Variants in POLE observed in about 807,000 individuals in gnomAD.
The protein encoded by POLE is DNA polymerase epsilon catalytic subunit A.
Under a neutral mutation model 279.2 loss-of-function variants are expected in POLE, and 188 were observed. The observed-to-expected ratio is 0.67, with a 90% CI of 0.60 to 0.76. The LOEUF is 0.76. Among genes scored for constraint, POLE ranks in the 30% least tolerant of loss-of-function variants. The pLI is 0.00. For synonymous variants in POLE, 1,214 were observed against 1,172.5 expected (o/e 1.04, Z -0.72); for missense variants, 2,703 against 3,016.7 (o/e 0.90, Z 2.44).
In POLE at chr12:132,668,282, A is replaced by G. The variant is rs2042839902; in HGVS notation, c.2173+74T>C. 1.3e-6 allele frequency: 2 copies of G among 1,490,376 alleles called. No homozygotes were observed. Among genetic ancestry groups the G allele is most frequent in the African/African-American group, 1.4e-5 (1 of 71,004 alleles). The allele number at this position is 1,490,376 out of a possible 1,614,324, so 92.3% of individuals were successfully genotyped here. A position where few individuals can be genotyped will look rare whatever the true frequency, so the allele number is the denominator to read the frequency against. On this transcript the variant is annotated intron_variant, in intron 19 of 48. Transcript: ENST00000320574. The surrounding 1 kb of genome is among the most constrained non-coding windows in gnomAD (Gnocchi z 4.0). ...CTGGGGCCCCAGCTGGGATGGACCA[A>G]CGCAGCCCAGTAAGAACAGAAAGTG... is the stretch of plus-strand genomic sequence containing the variant.
chr12:132,651,641 C>T (rs1466642008), intron 29 of POLE, among the ~76,000 whole-genome samples: 4 of 152,210 alleles, frequency 2.6e-5, no homozygotes, highest in Non-Finnish European at 2.9e-5. Flanking sequence ...GGGGTGGGAC[C>T]CGGTGACTTG....
At chr12:132,655,853 T>G (rs1273602143) in intron 29 of POLE, among the ~76,000 whole-genome samples, 1 of 152,176 alleles carries the variant, frequency 6.6e-6, no homozygotes, top group Non-Finnish European at 1.5e-5. Flanking sequence ...ATCTTTTCAA[T>G]ATAACTCTTG....
In POLE at chr12:132,659,340, C is replaced by T. The variant is rs768950975; in HGVS notation, c.3230G>A (p.Arg1077His). ...CTCGGGCTTGCGGGAGATGATGTAGCGGCAACTCAGCCCTGCATCCTTGAC... is the reference window on the plus strand; with the variant it reads ...CTCGGGCTTGCGGGAGATGATGTAGTGGCAACTCAGCCCTGCATCCTTGAC... ...QMVKDAGLSC[R>H]YIISRKPEGS... The change falls in exon 26 of 49, where the codon CGC becomes CAC. Residue 1077 changes from arginine (R) to histidine (H), a missense_variant. Physicochemically the swap from Arg to His is conservative, Grantham distance 29. This residue lies in a region of POLE where 1,551 missense variants were observed against 1,686.1 expected (regional missense o/e 0.92). Transcript: ENST00000320574. 3.5e-5 allele frequency: 56 copies of T among 1,614,064 alleles called. No individual in the cohort carries two copies. Among genetic ancestry groups the T allele is most frequent in the African/African-American group, 1.9e-4 (14 of 74,920 alleles).
In POLE at chr12:132,665,408, C is replaced by T. The variant is rs896350761; in HGVS notation, c.2362G>A (p.Ala788Thr). 2.5e-6 allele frequency: 4 copies of T among 1,613,166 alleles called. No individual in the cohort carries two copies. Among genetic ancestry groups the T allele is most frequent in the East Asian group, 2.2e-5 (1 of 44,894 alleles). Residue 788 changes from alanine (A) to threonine (T), a missense_variant, in exon 21 of 49, where the codon GCG becomes ACG. This residue lies in a region of POLE where 1,011 missense variants were observed against 1,111.7 expected (regional missense o/e 0.91). Coordinates refer to ENST00000320574, the MANE Select transcript of POLE (RefSeq NM_006231.4). ...TTCTTGCAGCGCTTCACCTCAGCCGCGTCGCCCACCTCCACGGCCGCCGAG... is the reference window on the plus strand; with the variant it reads ...TTCTTGCAGCGCTTCACCTCAGCCGTGTCGCCCACCTCCACGGCCGCCGAG... Reference protein sequence around the residue: ...KLSAAVEVGDAAEVKRCKNME... With the variant: ...KLSAAVEVGDTAEVKRCKNME...
intron 20 of POLE, 109 bp from the exon 21 acceptor site, chr12:132,665,559 A>G (rs2042779463): frequency 8.9e-6 from 11 of 1,236,296 alleles, no homozygotes; most frequent in Non-Finnish European, 9.9e-6. Flanking sequence ...TCTATAGAAA[A>G]CCTAAAAAAC....
At chr12:132,644,020 G>A (rs2042219446) in intron 32 of POLE, 43 bp from the exon 33 acceptor site, 1 of 1,596,272 alleles carries the variant, frequency 6.3e-7, no homozygotes, top group African/African-American at 1.3e-5. Context: ...GGCGTAAGTG[G>A]TAATGTCTGT....
chr12:132,625,104 G>A (rs1593694566), intron 47 of POLE, 110 bp from the exon 48 acceptor site: 1 of 793,384 alleles, frequency 1.3e-6, no homozygotes, highest in South Asian at 1.5e-5. Context: ...AGTAAGCCTC[G>A]AGCCCCTGCT....
At chr12:132,628,539 A>G (rs1176248023) in intron 45 of POLE, among the ~76,000 whole-genome samples, 1 of 151,854 alleles carries the variant, frequency 6.6e-6, no homozygotes, top group Non-Finnish European at 1.5e-5. Flanking sequence ...GCTACTTGGG[A>G]GGCTGATGTA....
rs1593732539 is a variant in POLE, at chr12:132,642,937, G to A, written c.4611C>T (p.Leu1537=). The change falls in exon 36 of 49, where the codon CTC becomes CTT. Residue 1537 remains leucine, a synonymous_variant. Coordinates refer to ENST00000320574, the MANE Select transcript of POLE (RefSeq NM_006231.4). ...GALYSAEHGL[L]LEKVGPELLP... is the part of the protein sequence containing the mutation. The stretch of plus-strand genomic sequence containing the variant: ...GGAGCTCAGGGCCCACCTTCTCCAG[G>A]AGGAGGCCGTGCTCTGCTGAGTACA... 6.2e-7 allele frequency: 1 copy of A among 1,612,086 alleles called. No individual in the cohort carries two copies. Among genetic ancestry groups the A allele is most frequent in the South Asian group, 1.1e-5 (1 of 90,904 alleles).
At chr12:132,637,215 A>C (rs903899564) in intron 41 of POLE, among the ~76,000 whole-genome samples, 27 of 152,348 alleles carry the variant, frequency 1.8e-4, no homozygotes, top group African/African-American at 6.5e-4. Flanking sequence ...TGAAAGTCTT[A>C]TAAGCTCTAC....
At chr12:132,660,829 A>G (rs5744846) in intron 25 of POLE, 140 bp downstream of exon 25, 1 of 578,364 alleles carries the variant, frequency 1.7e-6, no homozygotes, top group East Asian at 2.8e-5. Flanking sequence ...AATTGTGCTC[A>G]GGAGGTCTTG....
rs546469927 is a variant in POLE, at chr12:132,624,445, C to A, written c.*252G>T. 1 of 566,876 alleles carries A rather than the reference C, an allele frequency of 1.8e-6. No individual in the cohort carries two copies. 35.1% of individuals were successfully genotyped at this position (566,876 alleles called of 1,614,324 possible). On this transcript the variant is annotated 3_prime_UTR_variant, in exon 49 of 49. Transcript: ENST00000320574. The stretch of plus-strand genomic sequence containing the variant: ...CGTGAGAAACGGCGCCCAGGGCACT[C>A]GCAGCCTCGCTCACGGCCTGCTTCT...
At chr12:132,660,419 T>A (rs955428858) in intron 25 of POLE, 3 of 152,530 alleles carry the variant, frequency 2.0e-5, no homozygotes, top group Non-Finnish European at 4.4e-5. Flanking sequence ...TGTTCCAGTA[T>A]TCCTTCTACC....
At chr12:132,677,341 A>C (rs377701425) in intron 8 of POLE, 22 bp downstream of exon 8, 11 of 1,585,256 alleles carry the variant, frequency 6.9e-6, no homozygotes, top group Non-Finnish European at 7.8e-6. Context: ...TTTAGGATGA[A>C]GGTAACACAA....
chr12:132,663,919 C>T, intron 23 of POLE, 85 bp downstream of exon 23: 3 of 1,453,416 alleles, frequency 2.1e-6, no homozygotes, highest in Non-Finnish European at 2.9e-6. Flanking sequence ...AAGGCATGCA[C>T]ACTGTGAGGT....
At chr12:132,666,895 C>A (rs2042808816) in intron 20 of POLE, among the ~76,000 whole-genome samples, 1 of 152,172 alleles carries the variant, frequency 6.6e-6, no homozygotes, top group South Asian at 2.1e-4. Context: ...TAAAAAAGAA[C>A]ATGTGACGAT....
intron 12 of POLE, among the ~76,000 whole-genome samples, chr12:132,674,862 TCCTTC>T (rs2043009145): frequency 7.3e-6 from 1 of 137,408 alleles, no homozygotes; most frequent in African/African-American, 2.8e-5. Flanking sequence ...TCCCTTCCCT[TCCTTC>T]CCTTCCCTCC....
chr12:132,637,772 A>G (rs1482570245), intron 41 of POLE, among the ~76,000 whole-genome samples: 1 of 152,252 alleles, frequency 6.6e-6, no homozygotes, highest in Non-Finnish European at 1.5e-5. Flanking sequence ...GAACCTTCTT[A>G]GCAAAGGCAG....
At chr12:132,682,558 C>A (rs1337951201) in intron 1 of POLE, among the ~76,000 whole-genome samples, 3 of 152,052 alleles carry the variant, frequency 2.0e-5, no homozygotes, top group African/African-American at 7.2e-5. Flanking sequence ...TTAGTTGTGA[C>A]AATTGTACTC....
Sources: allele counts gnomAD v4.1 joint callset (sites outside exome capture counted in the v4.1 genomes callset), GRCh38; gene constraint gnomAD v4.1.1; regional missense constraint gnomAD v4.1.1; non-coding constraint Gnocchi (gnomAD v3.1); transcripts MANE v1.5; gene names NCBI Gene and HGNC (gene_info 2026-07-23, HGNC 2026-07-21).